The following KCNJ6 variants were observed in gnomAD, a reference collection of about 807,000 sequenced individuals.
KCNJ6 encodes the protein G protein-activated inward rectifier potassium channel 2.
Under a neutral mutation model 34.2 loss-of-function variants are expected in KCNJ6, and 9 were observed. The ratio of observed to expected loss-of-function variants is 0.26; its 90% CI spans 0.16 to 0.46. The LOEUF is 0.46. KCNJ6 is among the 20% of genes least tolerant of loss of function. KCNJ6 has a pLI of 1.00. For missense variants in KCNJ6, 236 were observed against 531.3 expected (o/e 0.44, Z 5.46); for synonymous variants, 196 against 207.1 (o/e 0.95, Z 0.46).
intron 3 of KCNJ6, among the ~76,000 whole-genome samples, chr21:37,673,116 GAGA>G (rs1402201273): frequency 6.6e-6 from 1 of 152,262 alleles, no homozygotes; most frequent in Non-Finnish European, 1.5e-5. Flanking sequence ...AACAAAGGAG[GAGA>G]AGAAGAATTG....
At chr21:37,748,577 G>A (rs1237511847) in intron 2 of KCNJ6, among the ~76,000 whole-genome samples, 1 of 152,140 alleles carries the variant, frequency 6.6e-6, no homozygotes, top group African/African-American at 2.4e-5. Context: ...GATAGGAAGT[G>A]GAAGACTTCA....
chr21:37,831,754 G>A lies in KCNJ6; in HGVS notation c.25+8904C>T, dbSNP rs549372767. Among the ~76,000 whole-genome samples, 5 of 152,298 alleles carry A rather than the reference G, an allele frequency of 3.3e-5. No homozygotes were observed. The East Asian group carries it at 5.8e-4, about 18-fold the overall frequency. On this transcript the variant is annotated intron_variant, in intron 2 of 3. Transcript: ENST00000609713. ...AGCTCACCCTGCAGGAGGGGCACAC[G>A]GTCCTGGGGCAAAGGAGGCAGGGGA... is the stretch of plus-strand genomic sequence containing the variant.
intron 2 of KCNJ6, among the ~76,000 whole-genome samples, chr21:37,743,036 C>T (rs1287257974): frequency 2.0e-5 from 3 of 152,200 alleles, no homozygotes; most frequent in Non-Finnish European, 4.4e-5. Context: ...CTTGCCCTTC[C>T]CTGGAAGCCT....
Position 37,619,194 on chromosome 21 carries a change from A to G in KCNJ6, c.*5965T>C, listed in dbSNP as rs564525376. On this transcript the variant is annotated 3_prime_UTR_variant, in exon 4 of 4. Transcript: ENST00000609713. ...ATAAGAGAACTTGATATGTTTTTCC[A>G]TAGAACTAAAAAGATAAGGAACCTA... 1 of 152,270 alleles carries G rather than the reference A, an allele frequency of 6.6e-6. No homozygotes were observed. Among genetic ancestry groups the G allele is most frequent in the South Asian group, 2.1e-4 (1 of 4,824 alleles). 9.4% of individuals were successfully genotyped at this position (152,270 alleles called of 1,614,324 possible).
intron 3 of KCNJ6, among the ~76,000 whole-genome samples, chr21:37,705,711 G>A (rs1436233517): frequency 6.6e-6 from 1 of 152,212 alleles, no homozygotes; most frequent in Non-Finnish European, 1.5e-5. Context: ...TGGAGACAGA[G>A]TTTGAATTCA....
In KCNJ6 at chr21:37,614,138, C is replaced by T. The variant is rs946384610; in HGVS notation, c.*11021G>A. The stretch of plus-strand genomic sequence containing the variant: ...TTTCCGACCAGTGAAATGATATACC[C>T]AGGACGACATTGCTCATCTGGGGGC... On this transcript the variant is annotated 3_prime_UTR_variant, in exon 4 of 4. Transcript: ENST00000609713. 2 of 152,142 alleles carry T rather than the reference C, an allele frequency of 1.3e-5. No homozygotes were observed. The highest frequency in any genetic ancestry group is 6.5e-5 in the Admixed American group (1 of 15,276). 9.4% of individuals were successfully genotyped at this position (152,142 alleles called of 1,614,324 possible).
intron 1 of KCNJ6, among the ~76,000 whole-genome samples, chr21:37,858,516 GT>G (rs1160017183): frequency 6.6e-6 from 1 of 150,692 alleles, no homozygotes; most frequent in Non-Finnish European, 1.5e-5. Flanking sequence ...TCCTAATATA[GT>G]TACTGCACTT....
At chr21:37,661,046 A>T (rs1283932145) in intron 3 of KCNJ6, among the ~76,000 whole-genome samples, 1 of 152,198 alleles carries the variant, frequency 6.6e-6, no homozygotes, top group African/African-American at 2.4e-5. Context: ...GAATATTGTA[A>T]ATCCATATTC....
intron 1 of KCNJ6, among the ~76,000 whole-genome samples, chr21:37,895,729 G>T (rs554255199): frequency 1.3e-5 from 2 of 152,310 alleles, no homozygotes; most frequent in East Asian, 3.9e-4. Context: ...GCTGTGTGAT[G>T]AAGACAAAGG....
chr21:37,831,216 C>T (rs911893705), intron 2 of KCNJ6, among the ~76,000 whole-genome samples: 1 of 152,156 alleles, frequency 6.6e-6, no homozygotes, highest in Admixed American at 6.5e-5. Flanking sequence ...TAAGGACAAA[C>T]GTATCTCACA....
chr21:37,882,661 A>G (rs1417382502), intron 1 of KCNJ6, among the ~76,000 whole-genome samples: 2 of 152,204 alleles, frequency 1.3e-5, no homozygotes, highest in Non-Finnish European at 2.9e-5. Context: ...ACAAGCTCCA[A>G]CTGTGGTGGG....
chr21:37,817,665 C>T (rs906790591), intron 2 of KCNJ6, among the ~76,000 whole-genome samples: 5 of 152,188 alleles, frequency 3.3e-5, no homozygotes, highest in African/African-American at 7.2e-5. Flanking sequence ...AGTCAGCTGA[C>T]AACAGCACCC....
At chr21:37,725,553 T>A (rs190957018) in intron 2 of KCNJ6, among the ~76,000 whole-genome samples, 2 of 152,266 alleles carry the variant, frequency 1.3e-5, no homozygotes, top group African/African-American at 4.8e-5. Flanking sequence ...TGTAATTTCA[T>A]ACTTGTATGT....
At chr21:37,734,540 C>G (rs1408042435) in intron 2 of KCNJ6, among the ~76,000 whole-genome samples, 1 of 152,180 alleles carries the variant, frequency 6.6e-6, no homozygotes, top group Non-Finnish European at 1.5e-5. Flanking sequence ...CAAGCTCCCA[C>G]CATGGCTGAC....
In KCNJ6 at chr21:37,709,344, T is replaced by G. The variant is rs2054737909; in HGVS notation, c.946+4867A>C. ...CTGACCAACACGGAGAAACCCCATC[T>G]CTACTAAAATTACAAAATTAGCCGG... On this transcript the variant is annotated intron_variant, in intron 3 of 3. Coordinates refer to ENST00000609713, the MANE Select transcript of KCNJ6 (RefSeq NM_002240.5). Among the ~76,000 whole-genome samples the G allele has an allele frequency of 3.3e-5, 5 of 151,796 alleles. No individual in the cohort carries two copies. The South Asian group carries it at 1.0e-3, about 32-fold the overall frequency.
At chr21:37,692,325 AT>A (rs528293780) in intron 3 of KCNJ6, among the ~76,000 whole-genome samples, 31 of 150,264 alleles carry the variant, frequency 2.1e-4, no homozygotes, top group African/African-American at 4.2e-4. Context: ...AAGGCAATGC[AT>A]TTTTTTTTTC....
Position 37,607,482 on chromosome 21 carries a change from A to ATATATATG in KCNJ6, c.*17676_*17677insCATATATA. On this transcript the variant is annotated 3_prime_UTR_variant, in exon 4 of 4. Coordinates refer to ENST00000609713, the MANE Select transcript of KCNJ6 (RefSeq NM_002240.5). Reference sequence around the variant, plus strand: ...CTTAAAGATATATATATATATATATATTTTTTTTTTATTTTAAAAAAATTT... The same window carrying ATATATATG: ...CTTAAAGATATATATATATATATATATATATATGTTTTTTTTTTATTTTAAAAAAATTT... 1 of 136,764 alleles carries ATATATATG rather than the reference A, an allele frequency of 7.3e-6. No homozygotes were observed. The highest frequency in any genetic ancestry group is 3.9e-3 in the Middle Eastern group (1 of 258). 8.5% of individuals were successfully genotyped at this position (136,764 alleles called of 1,614,324 possible).
chr21:37,838,405 ATTTCCAACAG>A (rs2055462535), intron 2 of KCNJ6, among the ~76,000 whole-genome samples: 1 of 152,242 alleles, frequency 6.6e-6, no homozygotes, highest in Non-Finnish European at 1.5e-5. Context: ...CAGAGTATCC[ATTTCCAACAG>A]AAGGAAGCCT....
In KCNJ6 at chr21:37,607,463, G is replaced by GATATATAGAT. The variant is rs1556007717; in HGVS notation, c.*17695_*17696insATCTATATAT. Reference sequence around the variant, plus strand: ...TTCCCTAACACAGCGAGTTCTTAAAGATATATATATATATATATATTTTTT... The same window carrying GATATATAGAT: ...TTCCCTAACACAGCGAGTTCTTAAAGATATATAGATATATATATATATATATATATTTTTT... On this transcript the variant is annotated 3_prime_UTR_variant, in exon 4 of 4. Coordinates refer to ENST00000609713, the MANE Select transcript of KCNJ6 (RefSeq NM_002240.5). 1 of 128,730 alleles carries GATATATAGAT rather than the reference G, an allele frequency of 7.8e-6. No individual in the cohort carries two copies. The highest frequency in any genetic ancestry group is 1.6e-5 in the Non-Finnish European group (1 of 62,278). 8.0% of individuals were successfully genotyped at this position (128,730 alleles called of 1,614,324 possible).
Sources: gnomAD v4.1 joint callset for allele counts (sites outside exome capture counted in the v4.1 genomes callset) on GRCh38, gnomAD v4.1.1 for gene constraint, MANE v1.5 for transcripts, NCBI Gene and HGNC (gene_info 2026-07-23, HGNC 2026-07-21) for gene names.